Variants in NR6A1 observed in about 807,000 individuals in gnomAD.
NR6A1 encodes the protein retinoic acid receptor-related testis-associated receptor.
A neutral mutation model predicts 59.1 loss-of-function variants in NR6A1; 7 were observed. The observed-to-expected ratio is 0.12, with a 90% CI of 0.07 to 0.22. The LOEUF (loss-of-function observed/expected upper bound fraction) is 0.22. Ranked by LOEUF, NR6A1 falls within the 10% of genes least tolerant of loss-of-function variation. NR6A1 has a pLI of 1.00. For missense variants in NR6A1, 468 were observed against 611.6 expected (o/e 0.77, Z 2.48); for synonymous variants, 243 against 236.1 (o/e 1.03, Z -0.27).
chr9:124,544,495 A>G (rs1036671385), intron 3 of NR6A1, among the ~76,000 whole-genome samples: 1 of 152,206 alleles, frequency 6.6e-6, no homozygotes, highest in African/African-American at 2.4e-5. Flanking sequence ...ATAGAGAAGA[A>G]CCCCTGATTT....
At chr9:124,543,673 T>C (rs1833512817) in intron 4 of NR6A1, 129 bp downstream of exon 4, 2 of 649,960 alleles carry the variant, frequency 3.1e-6, no homozygotes, top group South Asian at 4.9e-5. Flanking sequence ...GTAAAAGCAC[T>C]TTTACAGAAA....
intron 2 of NR6A1, among the ~76,000 whole-genome samples, chr9:124,659,790 C>T (rs969645438): frequency 6.6e-6 from 1 of 152,174 alleles, no homozygotes; most frequent in Non-Finnish European, 1.5e-5. Context: ...TAATTTTCCA[C>T]AGAAAAATGA....
At chr9:124,751,969 A>C (rs1840512671) in intron 1 of NR6A1, among the ~76,000 whole-genome samples, 1 of 152,210 alleles carries the variant, frequency 6.6e-6, no homozygotes, top group African/African-American at 2.4e-5. Context: ...CTATTGTCAC[A>C]ATACAAAATT....
intron 2 of NR6A1, among the ~76,000 whole-genome samples, chr9:124,634,099 T>C (rs776265689): frequency 6.6e-6 from 1 of 152,226 alleles, no homozygotes; most frequent in Non-Finnish European, 1.5e-5. Context: ...CAGCCTGTCA[T>C]GATAAATAAT....
rs988406975 is a variant in NR6A1, at chr9:124,517,317, C to T, written c.*5388G>A. ...CACATTTATTGGTTCAAATACAGTA[C>T]CTAACACTTGCTAAACATGCATTTC... On this transcript the variant is annotated 3_prime_UTR_variant, in exon 10 of 10. Coordinates refer to ENST00000487099, the MANE Select transcript of NR6A1 (RefSeq NM_033334.4). The T allele has an allele frequency of 4.6e-5, 7 of 152,298 alleles. No individual in the cohort carries two copies. The highest frequency in any genetic ancestry group is 1.7e-4 in the African/African-American group (7 of 41,464). The allele number at this position is 152,298 out of a possible 1,614,324, so 9.4% of individuals were successfully genotyped here.
At chr9:124,703,244 GCT>G (rs1280164728) in intron 2 of NR6A1, among the ~76,000 whole-genome samples, 2 of 121,002 alleles carry the variant, frequency 1.7e-5, no homozygotes, top group Non-Finnish European at 3.3e-5. Flanking sequence ...ACAGGATCTC[GCT>G]CTGTCACCCA....
intron 2 of NR6A1, among the ~76,000 whole-genome samples, chr9:124,706,948 C>T (rs1428698477): frequency 6.6e-6 from 1 of 152,160 alleles, no homozygotes; most frequent in Middle Eastern, 3.4e-3. Context: ...TTTCTCGTTG[C>T]TTTCAAGATT....
intron 2 of NR6A1, among the ~76,000 whole-genome samples, chr9:124,621,316 C>T (rs1836065096): frequency 6.6e-6 from 1 of 152,034 alleles, no homozygotes; most frequent in Admixed American, 6.6e-5. Context: ...ACTTCCTTTT[C>T]AGTAGCTCAA....
At chr9:124,574,034 C>G (rs559933982) in intron 2 of NR6A1, among the ~76,000 whole-genome samples, 30 of 152,262 alleles carry the variant, frequency 2.0e-4, no homozygotes, top group Non-Finnish European at 3.5e-4. Context: ...TAAATATGTA[C>G]TGACACTGGA....
At chr9:124,545,933 T>C (rs146723980) in intron 3 of NR6A1, among the ~76,000 whole-genome samples, 2,504 of 152,256 alleles carry the variant, frequency 0.016, 76 homozygotes, top group East Asian at 0.15. Context: ...CTGACCAACA[T>C]GGAGAAACCA....
At chr9:124,733,883 T>C (rs1050934235) in intron 1 of NR6A1, among the ~76,000 whole-genome samples, 1 of 152,208 alleles carries the variant, frequency 6.6e-6, no homozygotes, top group Non-Finnish European at 1.5e-5. Flanking sequence ...TTAATAAGTA[T>C]GCTATTCAGG....
chr9:124,738,653 G>A (rs553009725), intron 1 of NR6A1, among the ~76,000 whole-genome samples: 181 of 152,258 alleles, frequency 1.2e-3, no homozygotes, highest in Non-Finnish European at 1.8e-3. Context: ...TGGATCACCT[G>A]AGGTCAGGAG....
At chr9:124,650,219 A>G (rs890840032) in intron 2 of NR6A1, among the ~76,000 whole-genome samples, 8 of 152,232 alleles carry the variant, frequency 5.3e-5, no homozygotes, top group Admixed American at 2.0e-4. Context: ...AAATGAGCGG[A>G]TAAATAAAAT....
intron 2 of NR6A1, among the ~76,000 whole-genome samples, chr9:124,720,555 A>G (rs1054719443): frequency 2.0e-5 from 3 of 152,184 alleles, no homozygotes; most frequent in Non-Finnish European, 2.9e-5. Flanking sequence ...AGCACATTCA[A>G]TTTTGGTTCA....
At chr9:124,769,520 G>A (rs1451620632) in intron 1 of NR6A1, among the ~76,000 whole-genome samples, 2 of 152,188 alleles carry the variant, frequency 1.3e-5, no homozygotes, top group African/African-American at 2.4e-5. Flanking sequence ...ACACCTGCCA[G>A]GTCACTGTCC....
Position 124,729,156 on chromosome 9 carries a change from A to C in NR6A1, c.142+4152T>G, listed in dbSNP as rs939855150. Among the ~76,000 whole-genome samples, 2 of 152,266 alleles carry C rather than the reference A, an allele frequency of 1.3e-5. 1 individual carries two copies. Among genetic ancestry groups the C allele is most frequent in the South Asian group, 4.1e-4 (2 of 4,826 alleles). ...GATGGATCGTATCATAAAAATAGAG[A>C]TAAGTTGGGAAGATATATTGATTAT... On this transcript the variant is annotated intron_variant, in intron 2 of 9. Coordinates refer to ENST00000487099, the MANE Select transcript of NR6A1 (RefSeq NM_033334.4).
intron 2 of NR6A1, among the ~76,000 whole-genome samples, chr9:124,624,738 T>C (rs1836184025): frequency 6.6e-6 from 1 of 152,178 alleles, no homozygotes; most frequent in Non-Finnish European, 1.5e-5. Context: ...GAGCTTGCCA[T>C]TGGTGGAGGC....
chr9:124,600,185 A>G (rs927049338), intron 2 of NR6A1, among the ~76,000 whole-genome samples: 5 of 152,232 alleles, frequency 3.3e-5, no homozygotes, highest in African/African-American at 9.6e-5. Context: ...TTAAACTTAC[A>G]GAGGTTAAAA....
At chr9:124,556,852 A>G (rs1199539261) in intron 2 of NR6A1, among the ~76,000 whole-genome samples, 2 of 149,650 alleles carry the variant, frequency 1.3e-5, no homozygotes, top group East Asian at 3.9e-4. Flanking sequence ...ACAGCAGCAC[A>G]GGAAACTAAT....
Sources: gnomAD v4.1 joint callset for allele counts (sites outside exome capture counted in the v4.1 genomes callset) on GRCh38, gnomAD v4.1.1 for gene constraint, MANE v1.5 for transcripts, NCBI Gene and HGNC (gene_info 2026-07-23, HGNC 2026-07-21) for gene names.